The following FRMD4A variants were observed in gnomAD, a reference collection of about 807,000 sequenced individuals.
The protein encoded by FRMD4A is FERM domain containing 4A.
In FRMD4A, 29 loss-of-function variants were observed where a neutral mutation model predicts 129.1. The observed-to-expected ratio is 0.22, with a 90% confidence interval of 0.17 to 0.31. The LOEUF is 0.31. Ranked by LOEUF, FRMD4A falls within the 10% of genes least tolerant of loss-of-function variation. The probability of loss-of-function intolerance (pLI) is 1.00; values close to 1 mark genes in which losing one functional copy is unlikely to be tolerated. For missense variants in FRMD4A, 1,272 were observed against 1,375.8 expected (o/e 0.92, Z 1.19); for synonymous variants, 634 against 571.6 (o/e 1.11, Z -1.56).
intron 2 of FRMD4A, among the ~76,000 whole-genome samples, chr10:14,146,388 A>T (rs998273081): frequency 1.3e-5 from 2 of 152,232 alleles, no homozygotes; most frequent in Non-Finnish European, 2.9e-5. Flanking sequence ...ATATGATGTG[A>T]TATAGTCTGA....
intron 2 of FRMD4A, among the ~76,000 whole-genome samples, chr10:14,316,295 C>T (rs2132112643): frequency 6.6e-6 from 1 of 151,946 alleles, no homozygotes; most frequent in Non-Finnish European, 1.5e-5. Context: ...AAGATTCCAC[C>T]TTCATGGGTG....
chr10:14,117,768 T>C (rs1207943187), intron 2 of FRMD4A, among the ~76,000 whole-genome samples: 1 of 152,210 alleles, frequency 6.6e-6, no homozygotes, highest in Non-Finnish European at 1.5e-5. Context: ...CTAGGTGCCT[T>C]TCAGGCCGTG....
chr10:14,223,657 T>C (rs1327006), intron 2 of FRMD4A, among the ~76,000 whole-genome samples: 149,969 of 151,722 alleles, frequency 0.99, 74,139 homozygotes, highest in East Asian at 1. Flanking sequence ...GAGAGGATCA[T>C]TTCTGGCTGG....
intron 6 of FRMD4A, among the ~76,000 whole-genome samples, chr10:13,772,672 G>A (rs2092491333): frequency 6.6e-6 from 1 of 152,088 alleles, no homozygotes; most frequent in South Asian, 2.1e-4. Context: ...AGGAATGGGA[G>A]GTCATGATGT....
intron 2 of FRMD4A, among the ~76,000 whole-genome samples, chr10:13,970,298 CT>C (rs1385567381): frequency 1.3e-5 from 2 of 152,096 alleles, no homozygotes; most frequent in African/African-American, 4.8e-5. Context: ...TACCCCCCGC[CT>C]GCCCAGGGGC....
intron 8 of FRMD4A, among the ~76,000 whole-genome samples, chr10:13,753,527 A>G (rs2091724962): frequency 6.7e-6 from 1 of 150,370 alleles, no homozygotes; most frequent in Non-Finnish European, 1.5e-5. Context: ...CATTGATGAA[A>G]TATGTACCTT....
intron 2 of FRMD4A, among the ~76,000 whole-genome samples, chr10:14,121,184 C>T (rs1376477145): frequency 6.6e-6 from 1 of 151,956 alleles, no homozygotes; most frequent in Non-Finnish European, 1.5e-5. Context: ...CCTGGCCAAC[C>T]TGGTGAAACC....
intron 2 of FRMD4A, among the ~76,000 whole-genome samples, chr10:13,925,452 T>G (rs1376763802): frequency 6.6e-6 from 1 of 152,130 alleles, no homozygotes; most frequent in East Asian, 1.9e-4. Context: ...AAAATTTAAT[T>G]GCACAAAAGG....
intron 2 of FRMD4A, among the ~76,000 whole-genome samples, chr10:13,910,157 G>T (rs534377440): frequency 6.6e-6 from 1 of 152,302 alleles, no homozygotes; most frequent in South Asian, 2.1e-4. Context: ...TGGTCTTCTG[G>T]TTTGTCTTGG....
chr10:14,144,095 G>A (rs142427955), intron 2 of FRMD4A, among the ~76,000 whole-genome samples: 89 of 152,234 alleles, frequency 5.8e-4, no homozygotes, highest in Non-Finnish European at 1.1e-3. Context: ...TGCACATGAC[G>A]GGAAGGAATG....
chr10:13,946,222 C>T (rs1391367384), intron 2 of FRMD4A, among the ~76,000 whole-genome samples: 5 of 152,184 alleles, frequency 3.3e-5, no homozygotes, highest in Non-Finnish European at 5.9e-5. Context: ...GGAGAATGAA[C>T]TCTGCTGGAC....
intron 2 of FRMD4A, among the ~76,000 whole-genome samples, chr10:14,210,679 C>T (rs146549139): frequency 6.6e-6 from 1 of 152,272 alleles, no homozygotes; most frequent in East Asian, 1.9e-4. Context: ...AATAGCCGCA[C>T]TGTATCATGT....
chr10:13,884,164 ACACT>A (rs879728667), intron 2 of FRMD4A, among the ~76,000 whole-genome samples: 5,199 of 39,478 alleles, frequency 0.13, 213 homozygotes, highest in African/African-American at 0.18. Context: ...TCTCACACAC[ACACT>A]CACACACTCA....
intron 2 of FRMD4A, among the ~76,000 whole-genome samples, chr10:13,936,720 A>G (rs1422479780): frequency 4.6e-5 from 7 of 152,170 alleles, no homozygotes; most frequent in Non-Finnish European, 7.4e-5. Flanking sequence ...CATCTAGTCT[A>G]TGGGATTCTA....
chr10:14,128,014 TCC>T, intron 2 of FRMD4A, among the ~76,000 whole-genome samples: 3 of 132,414 alleles, frequency 2.3e-5, no homozygotes, highest in South Asian at 2.5e-4. Flanking sequence ...CTTTCTTTCT[TCC>T]TTCCTTCCTT....
chr10:13,727,223 T>G (rs1390538553), intron 12 of FRMD4A, among the ~76,000 whole-genome samples: 1 of 152,196 alleles, frequency 6.6e-6, no homozygotes, highest in African/African-American at 2.4e-5. Context: ...TTCTAACACA[T>G]TTCCATGTGA....
intron 3 of FRMD4A, among the ~76,000 whole-genome samples, chr10:13,827,388 C>T (rs1022343818): frequency 6.6e-6 from 1 of 152,216 alleles, no homozygotes; most frequent in African/African-American, 2.4e-5. Flanking sequence ...TCAAGCCCAT[C>T]TCCCGAAACC....
intron 2 of FRMD4A, among the ~76,000 whole-genome samples, chr10:14,171,428 T>C (rs1351167997): frequency 6.6e-6 from 1 of 152,222 alleles, no homozygotes; most frequent in African/African-American, 2.4e-5. Context: ...AATGGCTGTG[T>C]ATCACTGACA....
intron 2 of FRMD4A, among the ~76,000 whole-genome samples, chr10:14,042,578 C>T (rs1833820876): frequency 6.6e-6 from 1 of 152,142 alleles, no homozygotes; most frequent in African/African-American, 2.4e-5. Context: ...CACCGAAGAA[C>T]AGGCATTTCA....
Sources: allele counts gnomAD v4.1 joint callset (sites outside exome capture counted in the v4.1 genomes callset), GRCh38; gene constraint gnomAD v4.1.1; transcripts MANE v1.5; gene names NCBI Gene and HGNC (gene_info 2026-07-23, HGNC 2026-07-21).